The following PHACTR3 variants were observed in gnomAD, a reference collection of about 807,000 sequenced individuals.
The protein encoded by PHACTR3 is protein phosphatase 1, regulatory subunit 123.
In PHACTR3, 16 loss-of-function variants were observed where a neutral mutation model predicts 66.8. The ratio of observed to expected loss-of-function variants is 0.24; its 90% CI spans 0.16 to 0.36. The LOEUF (loss-of-function observed/expected upper bound fraction) is 0.36. Ranked by LOEUF, PHACTR3 falls within the 10% of genes least tolerant of loss-of-function variation. PHACTR3 has a pLI of 1.00. For synonymous variants in PHACTR3, 323 were observed against 292.1 expected (o/e 1.11, Z -1.08); for missense variants, 647 against 719.9 (o/e 0.90, Z 1.16).
At chr20:59,693,929 A>G (rs1235643474) in intron 1 of PHACTR3, among the ~76,000 whole-genome samples, 1 of 152,208 alleles carries the variant, frequency 6.6e-6, no homozygotes, top group Non-Finnish European at 1.5e-5. Context: ...GCAATTGGCA[A>G]CGTAAGCCCC....
chr20:59,587,944 C>T (rs2033083860), intron 1 of PHACTR3, among the ~76,000 whole-genome samples: 1 of 152,228 alleles, frequency 6.6e-6, no homozygotes, highest in Admixed American at 6.5e-5. Flanking sequence ...CTGAGTGATT[C>T]CATGAGGCCC....
intron 1 of PHACTR3, among the ~76,000 whole-genome samples, chr20:59,700,174 A>G (rs757024683): frequency 2.6e-5 from 4 of 152,120 alleles, no homozygotes; most frequent in Non-Finnish European, 4.4e-5. Context: ...CTTACTTTGT[A>G]ATATTTCTTG....
intron 1 of PHACTR3, among the ~76,000 whole-genome samples, chr20:59,674,683 T>C: frequency 8.3e-6 from 1 of 120,896 alleles, no homozygotes; most frequent in African/African-American, 3.2e-5. Context: ...CTTCCCACCT[T>C]CTCCTGTTCC....
At chr20:59,611,843 GCACA>G (rs982503235) in intron 1 of PHACTR3, among the ~76,000 whole-genome samples, 3 of 152,250 alleles carry the variant, frequency 2.0e-5, no homozygotes, top group Non-Finnish European at 2.9e-5. Flanking sequence ...TTTTGGGATA[GCACA>G]CTGGTTGTCT....
chr20:59,827,708 G>C (rs926955602), intron 8 of PHACTR3, among the ~76,000 whole-genome samples: 12 of 152,250 alleles, frequency 7.9e-5, no homozygotes, highest in Non-Finnish European at 8.8e-5. Context: ...GGCTCCAGGG[G>C]ACATATTTCT....
chr20:59,686,746 GTGATGATGA>G (rs1156917251), intron 1 of PHACTR3, among the ~76,000 whole-genome samples: 4 of 72,042 alleles, frequency 5.6e-5, no homozygotes, highest in East Asian at 1.9e-3. Flanking sequence ...GGTGATGATG[GTGATGATGA>G]TGGTGATGAT....
chr20:59,813,249 G>A (rs1166833948), intron 8 of PHACTR3, among the ~76,000 whole-genome samples: 1 of 152,132 alleles, frequency 6.6e-6, no homozygotes, highest in Non-Finnish European at 1.5e-5. Flanking sequence ...ACCTGACATG[G>A]GTCACTCCCG....
intron 9 of PHACTR3, among the ~76,000 whole-genome samples, chr20:59,839,417 C>A (rs932150766): frequency 4.6e-5 from 7 of 152,190 alleles, no homozygotes; most frequent in Admixed American, 4.6e-4. Flanking sequence ...TACATAAAGG[C>A]AGATAATGTG....
chr20:59,747,730 C>G (rs770920942), intron 2 of PHACTR3, 28 bp from the exon 3 acceptor site: 5 of 1,610,346 alleles, frequency 3.1e-6, no homozygotes, highest in East Asian at 4.5e-5. Context: ...TTGCCTGAGA[C>G]TCACCTGTGT....
intron 7 of PHACTR3, among the ~76,000 whole-genome samples, chr20:59,785,085 C>T (rs1170817046): frequency 6.6e-6 from 1 of 152,142 alleles, no homozygotes; most frequent in Admixed American, 6.5e-5. Flanking sequence ...GGGATGGGGT[C>T]TGCAGGGAGT....
At chr20:59,731,549 A>T (rs2038762772) in intron 1 of PHACTR3, among the ~76,000 whole-genome samples, 1 of 152,174 alleles carries the variant, frequency 6.6e-6, no homozygotes, top group African/African-American at 2.4e-5. Flanking sequence ...GCTGAATTTC[A>T]CTTGGAAAAC....
chr20:59,609,940 A>G (rs753745952), intron 1 of PHACTR3, among the ~76,000 whole-genome samples: 5 of 152,240 alleles, frequency 3.3e-5, no homozygotes, highest in Admixed American at 6.5e-5. Flanking sequence ...CCTGTTCATT[A>G]TAGAAAATGG....
intron 1 of PHACTR3, among the ~76,000 whole-genome samples, chr20:59,726,737 A>G (rs894732499): frequency 1.1e-4 from 17 of 152,242 alleles, no homozygotes; most frequent in South Asian, 1.0e-3. Flanking sequence ...ATTAGGGGGA[A>G]CATCTTTTTT....
chr20:59,792,599 T>A (rs991574583), intron 7 of PHACTR3, among the ~76,000 whole-genome samples: 1 of 152,266 alleles, frequency 6.6e-6, no homozygotes, highest in Non-Finnish European at 1.5e-5. Flanking sequence ...TAGAATTTAA[T>A]TTTTAATTCT....
chr20:59,761,705 G>T (rs1285449818), intron 4 of PHACTR3, among the ~76,000 whole-genome samples: 6 of 152,238 alleles, frequency 3.9e-5, no homozygotes, highest in Non-Finnish European at 7.3e-5. Flanking sequence ...AATAAGTGGG[G>T]ATTACACAGA....
chr20:59,580,834 T>G (rs1457321012), intron 1 of PHACTR3, among the ~76,000 whole-genome samples: 1 of 152,226 alleles, frequency 6.6e-6, no homozygotes, highest in Non-Finnish European at 1.5e-5. Context: ...TAGCAGGCTT[T>G]TCTGGTAGCA....
intron 8 of PHACTR3, among the ~76,000 whole-genome samples, chr20:59,825,264 G>T (rs1177145548): frequency 6.6e-6 from 1 of 152,236 alleles, no homozygotes; most frequent in Non-Finnish European, 1.5e-5. Context: ...TCACAGGCTT[G>T]GAGGGTGGCT....
In PHACTR3 at chr20:59,840,676, A is replaced by C. The variant is rs140904615; in HGVS notation, c.1446+246A>C. Among the ~76,000 whole-genome samples, 449 of 152,346 alleles carry C rather than the reference A, an allele frequency of 2.9e-3. 2 individuals carry two copies. Among genetic ancestry groups the C allele is most frequent in the African/African-American group, 0.01 (426 of 41,586 alleles). ...CTTGGAGAGGTGCACAATGCACATGACATTTTTTACTTATGTTCAGGTGGA... is the reference window on the plus strand; with the variant it reads ...CTTGGAGAGGTGCACAATGCACATGCCATTTTTTACTTATGTTCAGGTGGA... On this transcript the variant is annotated intron_variant, in intron 10 of 12. Transcript: ENST00000371015.
intron 8 of PHACTR3, among the ~76,000 whole-genome samples, chr20:59,811,633 T>C (rs969578090): frequency 1.4e-5 from 2 of 141,404 alleles, no homozygotes; most frequent in African/African-American, 5.4e-5. Flanking sequence ...TACTCCAGCC[T>C]GGGCAACAGG....
Sources: gnomAD v4.1 joint callset for allele counts (sites outside exome capture counted in the v4.1 genomes callset) on GRCh38, gnomAD v4.1.1 for gene constraint, MANE v1.5 for transcripts, NCBI Gene and HGNC (gene_info 2026-07-23, HGNC 2026-07-21) for gene names.